Variants in ABITRAM observed in about 807,000 individuals in gnomAD.
The protein encoded by ABITRAM is actin binding transcription modulator.
Under a neutral mutation model 22.9 loss-of-function variants are expected in ABITRAM, and 19 were observed. The ratio of observed to expected loss-of-function variants is 0.83; its 90% CI spans 0.58 to 1.22. The LOEUF is 1.22. ABITRAM is among the 50% of genes most tolerant of loss of function. The pLI is 0.00. For missense variants in ABITRAM, 215 were observed against 220.2 expected (o/e 0.98, Z 0.15); for synonymous variants, 70 against 73.9 (o/e 0.95, Z 0.27).
At position 108,939,725 on chromosome 9, in the gene ABITRAM, T is replaced by C; in HGVS notation, c.*39T>C. The C allele has an allele frequency of 1.2e-6, 2 of 1,608,590 alleles. No homozygotes were observed. Among genetic ancestry groups the C allele is most frequent in the Non-Finnish European group, 1.7e-6 (2 of 1,177,116 alleles). On this transcript the variant is annotated 3_prime_UTR_variant, in exon 6 of 6. Coordinates refer to ENST00000322940, the MANE Select transcript of ABITRAM (RefSeq NM_017832.4). ...ACAAAAAGCAAAGTGGGATTCTTGTTACCTGGCCTAAACCATCAGGGTACT... is the reference window on the plus strand; with the variant it reads ...ACAAAAAGCAAAGTGGGATTCTTGTCACCTGGCCTAAACCATCAGGGTACT...
intron 2 of ABITRAM, chr9:108,935,979 C>G (rs941042872): frequency 2.0e-6 from 1 of 501,022 alleles, no homozygotes; most frequent in African/African-American, 1.9e-5. Context: ...CTGAACTGTT[C>G]AGAGCCCACA....
intron 1 of ABITRAM, 105 bp downstream of exon 1, chr9:108,934,670 C>T (rs2132061873): frequency 9.1e-7 from 1 of 1,096,484 alleles, no homozygotes; most frequent in African/African-American, 1.6e-5. Context: ...GGCTCTCCGT[C>T]CCCACGTCAG....
Position 108,950,627 on chromosome 9 carries a change from C to T in ABITRAM, c.*34C>T, listed in dbSNP as rs115474920. ...CTATAGGAAGGAATCTTCACGAGCA[C>T]AGGATCCCTCACTTCTGTCTGCTGC... On this transcript the variant is annotated 3_prime_UTR_variant, in exon 4 of 4. Coordinates refer to the ABITRAM transcript ENST00000374624. The T allele has an allele frequency of 5.8e-3, 9,000 of 1,547,796 alleles. 505 individuals are homozygous for T. In the African/African-American group the frequency reaches 0.11, roughly 19 times the overall value.
chr9:108,936,128 T>C (rs570620118), intron 2 of ABITRAM, 180 bp from the exon 3 acceptor site: 3 of 644,628 alleles, frequency 4.7e-6, no homozygotes. Context: ...AATCTTGTTT[T>C]CTCTTTTATT....
At chr9:108,942,854 T>C (rs778801103), downstream of ABITRAM, 4 of 1,613,204 alleles carry the variant, frequency 2.5e-6, no homozygotes. Context: ...GTTAAGACAA[T>C]TAGTATCTGG....
chr9:108,939,764 C>G lies in ABITRAM; in HGVS notation c.*78C>G. ...CATCAGGGTACTAAAGGAGAAGAAC[C>G]AGTATATGTAAAGCATACCTAACAG... On this transcript the variant is annotated 3_prime_UTR_variant, in exon 6 of 6. Transcript: ENST00000322940. 5.8e-6 allele frequency: 9 copies of G among 1,545,892 alleles called. No homozygotes were observed. Among genetic ancestry groups the G allele is most frequent in the Non-Finnish European group, 7.9e-6 (9 of 1,137,718 alleles).
At chr9:108,942,551 T>G (rs866214008), downstream of ABITRAM, 54 of 550,852 alleles carry the variant, frequency 9.8e-5, no homozygotes, top group Middle Eastern at 3.3e-3. Context: ...ATGTTCTATT[T>G]TAAAAATCAC....
At chr9:108,950,606 A>T (rs1294869738) in exon 4 of ABITRAM, 36 of 1,549,496 alleles carry the variant, frequency 2.3e-5, no homozygotes, top group Non-Finnish European at 3.0e-5. Context: ...CTCCTTCTAT[A>T]GGAAGGAATC....
downstream of ABITRAM, among the ~76,000 whole-genome samples, chr9:108,944,277 G>A (rs1348088494): frequency 1.3e-5 from 2 of 152,144 alleles, no homozygotes; most frequent in Non-Finnish European, 1.5e-5. Flanking sequence ...ATTCTGGAGG[G>A]TCACACAGAC....
At chr9:108,936,000 C>T (rs887694139) in intron 2 of ABITRAM, 20 of 488,472 alleles carry the variant, frequency 4.1e-5, no homozygotes, top group East Asian at 1.8e-4. Flanking sequence ...GAAAGGGCTA[C>T]GGTAGAGACA....
rs1213065801 is a variant in ABITRAM at position 108,939,769 on chromosome 9, T to A, written c.*83T>A. The A allele has an allele frequency of 3.8e-5, 58 of 1,513,650 alleles. No homozygotes were observed. The highest frequency in any genetic ancestry group is 4.8e-5 in the Non-Finnish European group (54 of 1,117,492). The allele number at this position is 1,513,650 out of a possible 1,614,324, so 93.8% of individuals were successfully genotyped here. ...GGGTACTAAAGGAGAAGAACCAGTATATGTAAAGCATACCTAACAGCCAGC... is the reference window on the plus strand; with the variant it reads ...GGGTACTAAAGGAGAAGAACCAGTAAATGTAAAGCATACCTAACAGCCAGC... On this transcript the variant is annotated 3_prime_UTR_variant, in exon 6 of 6. Transcript: ENST00000322940.
In ABITRAM at chr9:108,934,484, G is replaced by C; in HGVS notation, c.-3G>C. Reference sequence around the variant, plus strand: ...GGCGGGGGTGGCGGCGCCGGAGGTCGCCATGGCTACCGAGCCCGAAGCCGC... The same window carrying C: ...GGCGGGGGTGGCGGCGCCGGAGGTCCCCATGGCTACCGAGCCCGAAGCCGC... On this transcript the variant is annotated 5_prime_UTR_variant, in exon 1 of 6. Transcript: ENST00000322940. 1 of 1,600,030 alleles carries C rather than the reference G, an allele frequency of 6.2e-7. No individual in the cohort carries two copies. Among genetic ancestry groups the C allele is most frequent in the African/African-American group, 1.4e-5 (1 of 73,768 alleles).
downstream of ABITRAM, among the ~76,000 whole-genome samples, chr9:108,944,254 C>T (rs189991834): frequency 2.8e-4 from 42 of 152,308 alleles, no homozygotes; most frequent in African/African-American, 9.6e-4. Context: ...TTCTCTACAC[C>T]AGACCTCCAA....
intron 3 of ABITRAM, among the ~76,000 whole-genome samples, chr9:108,937,534 C>T (rs1270772816): frequency 6.6e-6 from 1 of 152,106 alleles, no homozygotes; most frequent in African/African-American, 2.4e-5. Flanking sequence ...CCTGAAGTCC[C>T]CTAATAATTA....
chr9:108,945,987 G>A (rs1470351045), intron 3 of ABITRAM, among the ~76,000 whole-genome samples: 31 of 152,060 alleles, frequency 2.0e-4, no homozygotes. Flanking sequence ...TGTTGGCCAA[G>A]CCAAAAACCT....
chr9:108,943,616 T>C, downstream of ABITRAM: 1 of 1,091,534 alleles, frequency 9.2e-7, no homozygotes, highest in African/African-American at 1.6e-5. Context: ...ATTGCCCTTC[T>C]GTGGGTACTA....
downstream of ABITRAM, chr9:108,942,450 C>G (rs1027440694): frequency 1.4e-5 from 5 of 363,046 alleles, no homozygotes; most frequent in Non-Finnish European, 2.5e-5. Context: ...TATGCCAAAG[C>G]TAAGCACATA....
chr9:108,948,062 G>T, intron 3 of ABITRAM: 1 of 1,129,666 alleles, frequency 8.9e-7, no homozygotes, highest in Non-Finnish European at 1.3e-6. Flanking sequence ...ACTGCTCTCT[G>T]TAATACACAG....
At chr9:108,937,613 G>A (rs1830205840) in intron 3 of ABITRAM, among the ~76,000 whole-genome samples, 1 of 152,144 alleles carries the variant, frequency 6.6e-6, no homozygotes, top group African/African-American at 2.4e-5. Context: ...AGAAAAGCAT[G>A]CACCTCTCTT....
Sources: allele counts gnomAD v4.1 joint callset (sites outside exome capture counted in the v4.1 genomes callset), GRCh38; gene constraint gnomAD v4.1.1; transcripts MANE v1.5; gene names NCBI Gene and HGNC (gene_info 2026-07-23, HGNC 2026-07-21).